HIGD1C: variants seen among roughly 807,000 people sequenced by gnomAD.
The protein encoded by HIGD1C is HIG1 hypoxia inducible domain family member 1C, also known as HIG1 domain family member 1C.
A neutral mutation model predicts 13.1 loss-of-function variants in HIGD1C; 11 were observed. The observed-to-expected ratio is 0.84, with a 90% CI of 0.53 to 1.39. The LOEUF (loss-of-function observed/expected upper bound fraction) is 1.39. Among genes scored for constraint, HIGD1C ranks in the 40% most tolerant of loss-of-function variants. The pLI, the probability that HIGD1C is intolerant of heterozygous loss-of-function variation, is 0.00. For synonymous variants in HIGD1C, 36 were observed against 37.7 expected, an observed-to-expected ratio of 0.95 and a Z score of 0.17; for missense variants, 110 against 112.0, an observed-to-expected ratio of 0.98 and a Z score of 0.08.
chr12:50,943,983 G>A, the HIGD1C span, among the ~76,000 whole-genome samples: 12 of 152,028 alleles, frequency 7.9e-5, no homozygotes, highest in Non-Finnish European at 1.2e-4. Context: ...GACTTTCAAC[G>A]ATGCTTATAA....
chr12:50,971,222 G>A (rs1939750175), downstream of HIGD1C, among the ~76,000 whole-genome samples: 1 of 151,988 alleles, frequency 6.6e-6, no homozygotes, highest in Non-Finnish European at 1.5e-5. Context: ...CCCTATCCAT[G>A]TCTTAATTCT....
intron 2 of HIGD1C, among the ~76,000 whole-genome samples, chr12:50,968,383 C>CT (rs142656016): frequency 3.2e-4 from 49 of 150,970 alleles, no homozygotes; most frequent in South Asian, 6.3e-4. Context: ...TACACTGATT[C>CT]TTTTTTTGTG....
chr12:50,938,159 G>A, the HIGD1C span, among the ~76,000 whole-genome samples: 2 of 152,046 alleles, frequency 1.3e-5, no homozygotes, highest in Non-Finnish European at 2.9e-5. Context: ...GCCAAGGGGT[G>A]CCTGCAGGCC....
At chr12:50,965,234 C>T (rs990752964) in intron 2 of HIGD1C, among the ~76,000 whole-genome samples, 3 of 152,152 alleles carry the variant, frequency 2.0e-5, no homozygotes, top group East Asian at 3.9e-4. Context: ...CCACCTCAGC[C>T]TCTTGAGTAG....
intron 1 of HIGD1C, among the ~76,000 whole-genome samples, chr12:50,959,676 C>T (rs972400535): frequency 6.6e-6 from 1 of 152,012 alleles, no homozygotes; most frequent in African/African-American, 2.4e-5. Context: ...AAAACAAAGT[C>T]TTGCTCTGTC....
intron 2 of HIGD1C, among the ~76,000 whole-genome samples, chr12:50,968,208 C>T (rs1051304196): frequency 2.6e-5 from 4 of 152,062 alleles, no homozygotes; most frequent in African/African-American, 7.2e-5. Flanking sequence ...ACAGTTTATG[C>T]GAAGCTGTTG....
chr12:50,963,201 C>A (rs563515750), intron 2 of HIGD1C, among the ~76,000 whole-genome samples: 8 of 151,634 alleles, frequency 5.3e-5, no homozygotes, highest in Non-Finnish European at 1.2e-4. Flanking sequence ...GAAACCCCAT[C>A]TCTACTTAAA....
chr12:50,946,205 G>A, the HIGD1C span, among the ~76,000 whole-genome samples: 1 of 152,164 alleles, frequency 6.6e-6, no homozygotes, highest in Non-Finnish European at 1.5e-5. Flanking sequence ...AAAAGCAATG[G>A]CAACAAAAGC....
the HIGD1C span, among the ~76,000 whole-genome samples, chr12:50,932,766 T>TTG: frequency 5.6e-4 from 85 of 152,372 alleles, no homozygotes; most frequent in Non-Finnish European, 9.0e-4. Context: ...ACGATCCCAT[T>TTG]TGTGAAATCC....
the HIGD1C span, chr12:50,931,646 G>T: frequency 0.083 from 12,424 of 149,724 alleles, 711 homozygotes; most frequent in African/African-American, 0.16. Flanking sequence ...AGAAGGCGAA[G>T]GTTGCAGTGA....
the HIGD1C span, among the ~76,000 whole-genome samples, chr12:50,942,967 G>A: frequency 0.016 from 2,413 of 150,356 alleles, 35 homozygotes; most frequent in Middle Eastern, 0.035. Flanking sequence ...CCAGGTTCAA[G>A]CAATTCTCCT....
chr12:50,935,501 T>C, the HIGD1C span: 1 of 152,206 alleles, frequency 6.6e-6, no homozygotes, highest in Non-Finnish European at 1.5e-5. Context: ...TGTTTTGTTG[T>C]TTTTTGAGAC....
chr12:50,962,319 G>A (rs570752942), intron 2 of HIGD1C, among the ~76,000 whole-genome samples: 9 of 152,248 alleles, frequency 5.9e-5, no homozygotes, highest in African/African-American at 1.7e-4. Context: ...GCTGAGGCAG[G>A]AGAATCGCTT....
At chr12:50,950,824 C>T (rs1431924983), upstream of HIGD1C, among the ~76,000 whole-genome samples, 3 of 151,470 alleles carry the variant, frequency 2.0e-5, no homozygotes, top group Non-Finnish European at 4.4e-5. Flanking sequence ...CTACAGGCGC[C>T]TGCCACCACG....
the HIGD1C span, among the ~76,000 whole-genome samples, chr12:50,943,689 G>A: frequency 0.014 from 2,051 of 151,038 alleles, 51 homozygotes; most frequent in African/African-American, 0.046. Context: ...CAGCCTGGGT[G>A]ACAGCGAGAC....
intron 1 of HIGD1C, among the ~76,000 whole-genome samples, chr12:50,956,555 T>C (rs746173833): frequency 1.3e-5 from 2 of 152,232 alleles, no homozygotes; most frequent in Non-Finnish European, 2.9e-5. Flanking sequence ...ATTATAAATA[T>C]ATTTACACTG....
the HIGD1C span, among the ~76,000 whole-genome samples, chr12:50,941,958 G>A: frequency 6.6e-5 from 10 of 152,048 alleles, no homozygotes; most frequent in South Asian, 2.1e-4. Flanking sequence ...GTGCAATCTC[G>A]GCTCACTGCA....
the HIGD1C span, among the ~76,000 whole-genome samples, chr12:50,938,302 T>C: frequency 2.0e-5 from 3 of 151,448 alleles, no homozygotes; most frequent in Non-Finnish European, 4.4e-5. Flanking sequence ...CCTGAGTGCA[T>C]GCACCCCCTG....
chr12:50,964,803 G>A (rs1254626215), intron 2 of HIGD1C, among the ~76,000 whole-genome samples: 1 of 152,254 alleles, frequency 6.6e-6, no homozygotes, highest in African/African-American at 2.4e-5. Context: ...TAAGTTTATA[G>A]GAATAGTATC....
Sources: gnomAD v4.1 joint callset for allele counts (sites outside exome capture counted in the v4.1 genomes callset) on GRCh38, gnomAD v4.1.1 for gene constraint, MANE v1.5 for transcripts, NCBI Gene and HGNC (gene_info 2026-07-23, HGNC 2026-07-21) for gene names.